MED12: variants seen among roughly 807,000 people sequenced by gnomAD.
The protein encoded by MED12 is mediator of RNA polymerase II transcription subunit 12.
Under a neutral mutation model 177.7 loss-of-function variants are expected in MED12, and 10 were observed. The observed-to-expected ratio is 0.06, with a 90% CI of 0.03 to 0.10. The LOEUF (loss-of-function observed/expected upper bound fraction) is 0.10. Among genes scored for constraint, MED12 ranks in the 10% least tolerant of loss-of-function variants. The probability of loss-of-function intolerance (pLI) is 1.00; values close to 1 mark genes in which losing one functional copy is unlikely to be tolerated. For missense variants in MED12, 867 were observed against 1,780.8 expected, an observed-to-expected ratio of 0.49 and a Z score of 9.23; for synonymous variants, 641 against 678.4, an observed-to-expected ratio of 0.94 and a Z score of 0.86.
Position 71,137,740 on chromosome X carries a change from T to C in MED12, c.5841T>C (p.Tyr1947=). The C allele has an allele frequency of 3.3e-6, 4 of 1,211,141 alleles. No homozygotes were observed. The highest frequency in any genetic ancestry group is 1.8e-5 in the South Asian group (1 of 56,911). The part of the protein sequence containing the change: ...GLQTSQGYTP[Y]VSHVGLQQHT... ...CTTCCCTCCAGGGCTATACTCCTTA[T>C]GTTTCTCATGTGGGATTGCAGCAAC... Residue 1947 remains tyrosine (Y), a synonymous_variant, in exon 41 of 45, where the codon TAT becomes TAC. Coordinates refer to ENST00000374080, the MANE Select transcript of MED12 (RefSeq NM_005120.3).
In MED12 at chrX:71,134,961, T is replaced by G. The variant is rs760095447; in HGVS notation, c.4863+113T>G. 633 of 1,159,182 alleles carry G rather than the reference T, an allele frequency of 5.5e-4. 2 individuals are homozygous for G. The African/African-American group carries it at 0.01, about 19-fold the overall frequency. ...CTTTCCTTCTCACGTCTGCCTTTTC[T>G]TTGTTACTCATGCCGTGAGCATTTA... On this transcript the variant is annotated intron_variant, in intron 35 of 44. Coordinates refer to ENST00000374080, the MANE Select transcript of MED12 (RefSeq NM_005120.3).
chrX:71,132,710 T>G, intron 31 of MED12, 135 bp from the exon 32 acceptor site: 2 of 842,869 alleles, frequency 2.4e-6, no homozygotes, highest in Non-Finnish European at 3.4e-6. Context: ...GTCTGGAGAA[T>G]GAGGTTGGAA....
intron 16 of MED12, 33 bp downstream of exon 16, chrX:71,125,528 C>T: frequency 8.3e-7 from 1 of 1,204,408 alleles, no homozygotes; most frequent in Non-Finnish European, 1.1e-6. Flanking sequence ...AGATCTCCCC[C>T]AAAGAATGCC....
intron 16 of MED12, 51 bp from the exon 17 acceptor site, chrX:71,125,612 T>C: frequency 8.4e-7 from 1 of 1,187,116 alleles, no homozygotes; most frequent in Non-Finnish European, 1.1e-6. Context: ...TGGAGTCTCC[T>C]GAGAGCTCTA....
rs753714929 is a variant in MED12, at chrX:71,122,238, C to T, written c.1140C>T (p.His380=). 3.1e-5 allele frequency: 37 copies of T among 1,209,936 alleles called. No homozygotes were observed. Among genetic ancestry groups the T allele is most frequent in the South Asian group, 5.3e-5 (3 of 56,842 alleles). The change falls in exon 8 of 45, where the codon CAC becomes CAT. Residue 380 remains histidine (H), a synonymous_variant. Coordinates refer to ENST00000374080, the MANE Select transcript of MED12 (RefSeq NM_005120.3). The part of the protein sequence containing the change: ...LLCCPSALVW[H]YSLTDSRIKT... ...GCTGTCCTAGTGCCTTGGTTTGGCA[C>T]TACTCACTGACTGATAGCAGAATTA...
intron 17 of MED12, 40 bp downstream of exon 17, chrX:71,125,753 C>T (rs1361346341): frequency 7.4e-6 from 8 of 1,086,981 alleles, no homozygotes; most frequent in African/African-American, 1.9e-5. Flanking sequence ...CCCTCCCTCT[C>T]CCTTCCCTCC....
In MED12 at chrX:71,125,099, G is replaced by T. The variant is rs192331892; in HGVS notation, c.2179G>T (p.Asp727Tyr). ...KIEGTLGVLY[D>Y]QPRHVQYATH... Reference sequence around the variant, plus strand: ...TGAAGGGACCCTTGGGGTTCTTTACGACCAGCCACGACACGTGCAGTACGC... The same window carrying T: ...TGAAGGGACCCTTGGGGTTCTTTACTACCAGCCACGACACGTGCAGTACGC... Residue 727 changes from aspartate (D) to tyrosine (Y), a missense_variant, in exon 15 of 45, where the codon GAC becomes TAC. Physicochemically the swap from Asp to Tyr is radical, Grantham distance 160. This residue lies in a region of MED12 where 309 missense variants were observed against 556.3 expected (regional missense o/e 0.56). Coordinates refer to ENST00000374080, the MANE Select transcript of MED12 (RefSeq NM_005120.3). 1 of 1,210,783 alleles carries T rather than the reference G, an allele frequency of 8.3e-7. No homozygotes were observed. The highest frequency in any genetic ancestry group is 1.1e-6 in the Non-Finnish European group (1 of 895,259).
rs753684082 is a variant in MED12 at position 71,138,014 on chromosome X, T to C, written c.6044+71T>C. On this transcript the variant is annotated intron_variant, in intron 41 of 44. Coordinates refer to ENST00000374080, the MANE Select transcript of MED12 (RefSeq NM_005120.3). ...GGAGCATTTGACTTGGGAAAGCCTGTGCCTGAAAGTGGTGGGACTGGTCAG... is the reference window on the plus strand; with the variant it reads ...GGAGCATTTGACTTGGGAAAGCCTGCGCCTGAAAGTGGTGGGACTGGTCAG... 1.2e-5 allele frequency: 13 copies of C among 1,046,595 alleles called. No individual in the cohort carries two copies. In the African/African-American group the frequency reaches 2.4e-4, roughly 19 times the overall value. The allele number at this position is 1,046,595 out of a possible 1,213,427, so 86.3% of individuals were successfully genotyped here. A position where few individuals can be genotyped will look rare whatever the true frequency, so the allele number is the denominator to read the frequency against.
At chrX:71,126,621 G>A (rs184244825) in intron 19 of MED12, 137 bp downstream of exon 19, 122 of 806,313 alleles carry the variant, frequency 1.5e-4, no homozygotes, top group Middle Eastern at 1.1e-3. Context: ...AGCATGGGGG[G>A]AGTGGAACAT....
rs748224921 is a variant in MED12 at position 71,122,267 on chromosome X, C to A, written c.1169C>A (p.Thr390Asn). Residue 390 changes from threonine to asparagine, a missense_variant, in exon 8 of 45, where the codon ACC becomes AAC. Physicochemically the swap from Thr to Asn is moderately conservative, Grantham distance 65 (BLOSUM62 0). Around this residue, in one of 14 missense-constraint regions of MED12, gnomAD observed 309 missense variants for 556.3 expected, o/e 0.56. Transcript: ENST00000374080. Reference protein sequence around the residue: ...HYSLTDSRIKTGSPLDHLPIA... With the variant: ...HYSLTDSRIKNGSPLDHLPIA... ...TCACTGACTGATAGCAGAATTAAGA[C>A]CGGCTCACCACTTGACCACTTGCCT... is the stretch of plus-strand genomic sequence containing the variant. The A allele has an allele frequency of 8.3e-7, 1 of 1,209,850 alleles. No homozygotes were observed. The highest frequency in any genetic ancestry group is 1.1e-6 in the Non-Finnish European group (1 of 894,922).
chrX:71,119,557 T>C (rs748190158), intron 2 of MED12, 80 bp downstream of exon 2: 44 of 1,080,343 alleles, frequency 4.1e-5, no homozygotes, highest in Admixed American at 1.5e-4. Flanking sequence ...GGAAGACTTA[T>C]AGGGACAACC....
intron 28 of MED12, 67 bp from the exon 29 acceptor site, chrX:71,131,483 C>T: frequency 9.2e-7 from 1 of 1,089,599 alleles, no homozygotes; most frequent in East Asian, 3.0e-5. Flanking sequence ...AGGAATTGGC[C>T]TCAGATTGTT....
intron 41 of MED12, among the ~76,000 whole-genome samples, chrX:71,140,021 A>G (rs762201083): frequency 1.5e-4 from 16 of 110,303 alleles, no homozygotes; most frequent in Non-Finnish European, 2.3e-4. Flanking sequence ...AAAAACCTCA[A>G]TGAGTGTTTA....
Position 71,118,680 on chromosome X carries a change from G to A in MED12, c.-75G>A. The A allele has an allele frequency of 1.0e-6, 1 of 1,001,473 alleles. No homozygotes were observed. The highest frequency in any genetic ancestry group is 1.4e-6 in the Non-Finnish European group (1 of 723,867). The allele number at this position is 1,001,473 out of a possible 1,213,427, so 82.5% of individuals were successfully genotyped here. ...CCTCTCAACCACCGCCCCCCTTTTCGGCTCCCTCTCCCCCTTCCCGTTCCC... is the reference window on the plus strand; with the variant it reads ...CCTCTCAACCACCGCCCCCCTTTTCAGCTCCCTCTCCCCCTTCCCGTTCCC... On this transcript the variant is annotated 5_prime_UTR_variant, in exon 1 of 45. Transcript: ENST00000374080.
At chrX:71,126,609 C>T in intron 19 of MED12, 125 bp downstream of exon 19, 1 of 863,693 alleles carries the variant, frequency 1.2e-6, no homozygotes, top group Non-Finnish European at 1.7e-6. Flanking sequence ...GGCAGAAAGA[C>T]TAGCATGGGG....
chrX:71,122,222 G>A lies in MED12; in HGVS notation c.1124G>A (p.Ser375Asn). ...ILQTILLCCPSALVWHYSLTD... is the reference protein window; with the variant it reads ...ILQTILLCCPNALVWHYSLTD... ...TAGACCATCCTCCTGTGCTGTCCTA[G>A]TGCCTTGGTTTGGCACTACTCACTG... is the stretch of plus-strand genomic sequence containing the variant. Residue 375 changes from serine to asparagine, a missense_variant, in exon 8 of 45, where the codon AGT (serine) becomes AAT (asparagine). Transcript: ENST00000374080. 1 of 1,211,873 alleles carries A rather than the reference G, an allele frequency of 8.3e-7. No homozygotes were observed. The highest frequency in any genetic ancestry group is 1.1e-6 in the Non-Finnish European group (1 of 895,518).
chrX:71,123,367 C>A, intron 11 of MED12, 141 bp downstream of exon 11: 1 of 919,539 alleles, frequency 1.1e-6, no homozygotes, highest in Non-Finnish European at 1.5e-6. Context: ...AACCTAAAGG[C>A]AAAGTTACGG....
intron 33 of MED12, 71 bp downstream of exon 33, chrX:71,133,283 T>TG (rs2092323365): frequency 1.4e-6 from 1 of 710,421 alleles, no homozygotes; most frequent in Non-Finnish European, 2.2e-6. Context: ...AGCCTCAGGT[T>TG]GGGGAGAATG....
chrX:71,118,632 C>T lies in MED12; in HGVS notation c.-123C>T. Reference sequence around the variant, plus strand: ...ATGGTCGAGAGTTTCTAACGTGCCCCCTTGTTGTCTCTCGGCCGCCGTCCT... The same window carrying T: ...ATGGTCGAGAGTTTCTAACGTGCCCTCTTGTTGTCTCTCGGCCGCCGTCCT... On this transcript the variant is annotated 5_prime_UTR_variant, in exon 1 of 45. Coordinates refer to ENST00000374080, the MANE Select transcript of MED12 (RefSeq NM_005120.3). The T allele has an allele frequency of 5.1e-6, 3 of 590,404 alleles. No homozygotes were observed. Among genetic ancestry groups the T allele is most frequent in the Non-Finnish European group, 8.6e-6 (3 of 350,404 alleles). 48.7% of individuals were successfully genotyped at this position (590,404 alleles called of 1,213,427 possible).
Sources: allele counts gnomAD v4.1 joint callset (sites outside exome capture counted in the v4.1 genomes callset), GRCh38; gene constraint gnomAD v4.1.1; regional missense constraint gnomAD v4.1.1; transcripts MANE v1.5; gene names NCBI Gene and HGNC (gene_info 2026-07-23, HGNC 2026-07-21).